ABCG2: variants seen among roughly 807,000 people sequenced by gnomAD.
The protein encoded by ABCG2 is ATP binding cassette subfamily G member 2 (JR blood group).
A neutral mutation model predicts 73.5 loss-of-function variants in ABCG2; 80 were observed. That is an observed-to-expected ratio of 1.09 (90% confidence interval 0.91 to 1.31). The LOEUF (loss-of-function observed/expected upper bound fraction) is 1.31. Among genes scored for constraint, ABCG2 ranks in the 50% most tolerant of loss-of-function variants. ABCG2 has a pLI of 0.00. For missense variants in ABCG2, 796 were observed against 786.2 expected, an observed-to-expected ratio of 1.01 and a Z score of -0.15; for synonymous variants, 269 against 282.4, an observed-to-expected ratio of 0.95 and a Z score of 0.48.
intron 1 of ABCG2, among the ~76,000 whole-genome samples, chr4:88,209,769 G>T (rs1229336240): frequency 6.6e-6 from 1 of 152,120 alleles, no homozygotes; most frequent in Non-Finnish European, 1.5e-5. Context: ...GATTAGCAGG[G>T]GTTGTGTTGG....
At chr4:88,178,599 G>A (rs1458861734) in intron 1 of ABCG2, among the ~76,000 whole-genome samples, 1 of 152,194 alleles carries the variant, frequency 6.6e-6, no homozygotes, top group Non-Finnish European at 1.5e-5. Flanking sequence ...CAGTGAGGTA[G>A]AGCACCAAAT....
intron 1 of ABCG2, among the ~76,000 whole-genome samples, chr4:88,154,566 G>T (rs1402214116): frequency 1.3e-5 from 2 of 152,180 alleles, no homozygotes; most frequent in African/African-American, 4.8e-5. Context: ...ATTAGGACTG[G>T]TGGAACTGCC....
At chr4:88,094,395 A>G (rs1721843612) in intron 15 of ABCG2, among the ~76,000 whole-genome samples, 182 bp downstream of exon 15, 1 of 151,788 alleles carries the variant, frequency 6.6e-6, no homozygotes, top group African/African-American at 2.4e-5. Context: ...GCAGCAGAAT[A>G]CTGAGGGGTT....
At chr4:88,105,470 T>C (rs1722710487) in intron 10 of ABCG2, among the ~76,000 whole-genome samples, 1 of 152,182 alleles carries the variant, frequency 6.6e-6, no homozygotes, top group African/African-American at 2.4e-5. Context: ...TGAGTGCTTA[T>C]GTTCAGAACA....
intron 5 of ABCG2, among the ~76,000 whole-genome samples, chr4:88,125,130 A>G (rs1724296913): frequency 6.6e-6 from 1 of 151,128 alleles, no homozygotes; most frequent in East Asian, 1.9e-4. Flanking sequence ...GTCTCTACTA[A>G]AAATACAAAA....
chr4:88,171,430 TGAA>T (rs1182472631), intron 1 of ABCG2, among the ~76,000 whole-genome samples: 3 of 103,128 alleles, frequency 2.9e-5, no homozygotes, highest in Admixed American at 1.8e-4. Flanking sequence ...ACATTGTAAA[TGAA>T]GAATTTACAG....
chr4:88,195,758 T>A (rs1728918770), intron 1 of ABCG2, among the ~76,000 whole-genome samples: 1 of 152,198 alleles, frequency 6.6e-6, no homozygotes, highest in South Asian at 2.1e-4. Flanking sequence ...TCTCCCCTGA[T>A]TCTTCCCTTG....
At chr4:88,190,469 A>G (rs1199505954) in intron 1 of ABCG2, among the ~76,000 whole-genome samples, 1 of 152,228 alleles carries the variant, frequency 6.6e-6, no homozygotes, top group African/African-American at 2.4e-5. Flanking sequence ...TTAGGAGGGC[A>G]TCTGGTTAAT....
Position 88,138,003 on chromosome 4 carries a change from T to G in ABCG2, c.203+1790A>C, listed in dbSNP as rs527465995. Among the ~76,000 whole-genome samples the G allele has an allele frequency of 1.8e-4, 28 of 151,936 alleles. No individual in the cohort carries two copies. The East Asian group carries it at 5.2e-3, about 28-fold the overall frequency. On this transcript the variant is annotated intron_variant, in intron 2 of 15. Transcript: ENST00000237612. Reference sequence around the variant, plus strand: ...GACCCCATCTCCACACACAGAAAATTTTTAATTAGCCAGGCATTGTGGCAT... The same window carrying G: ...GACCCCATCTCCACACACAGAAAATGTTTAATTAGCCAGGCATTGTGGCAT...
intron 1 of ABCG2, among the ~76,000 whole-genome samples, chr4:88,224,880 G>A (rs892709022): frequency 5.3e-5 from 8 of 152,116 alleles, no homozygotes; most frequent in Admixed American, 2.0e-4. Context: ...TAAGGTAAGG[G>A]TCCAATGTTA....
intron 2 of ABCG2, among the ~76,000 whole-genome samples, chr4:88,138,530 C>T (rs1181727462): frequency 2.6e-5 from 4 of 152,182 alleles, no homozygotes; most frequent in African/African-American, 7.2e-5. Context: ...AGATGACTAT[C>T]TGAATGGTGA....
chr4:88,182,227 A>C (rs1274838273), intron 1 of ABCG2, among the ~76,000 whole-genome samples: 1 of 152,216 alleles, frequency 6.6e-6, no homozygotes, highest in Non-Finnish European at 1.5e-5. Context: ...TATGTACCCA[A>C]CACTGCAGCA....
chr4:88,227,476 C>A (rs1390293806), intron 1 of ABCG2, among the ~76,000 whole-genome samples: 3 of 152,146 alleles, frequency 2.0e-5, no homozygotes, highest in Admixed American at 2.0e-4. Flanking sequence ...TAAATGTATT[C>A]TTTTAAAATA....
In ABCG2 at chr4:88,092,272, C is replaced by T; in HGVS notation, c.1930G>A (p.Ala644Thr). 11 of 1,611,478 alleles carry T rather than the reference C, an allele frequency of 6.8e-6. No homozygotes were observed. Among genetic ancestry groups the T allele is most frequent in the Non-Finnish European group, 9.3e-6 (11 of 1,178,220 alleles). Residue 644 changes from alanine to threonine, a missense_variant, in exon 16 of 16, where the codon GCC (alanine) becomes ACC (threonine). By Grantham distance (58) the Ala-to-Thr change is moderately conservative (BLOSUM62 0). Coordinates refer to ENST00000237612, the MANE Select transcript of ABCG2 (RefSeq NM_004827.3). ...TTAAGAAATAACAATTTCAGGTAGG[C>T]AATTGTGAGGAAAATAACAATCATA... ...ACMIVIFLTIAYLKLLFLKKY... is the reference protein window; with the variant it reads ...ACMIVIFLTITYLKLLFLKKY...
chr4:88,189,520 TATAAATAA>T (rs144119456), intron 1 of ABCG2, among the ~76,000 whole-genome samples: 6,848 of 147,914 alleles, frequency 0.046, 225 homozygotes, highest in South Asian at 0.074. Context: ...CATCTAAAAA[TATAAATAA>T]ATAAATAAAT....
At chr4:88,115,531 G>A (rs1441724586) in intron 7 of ABCG2, among the ~76,000 whole-genome samples, 4 of 147,802 alleles carry the variant, frequency 2.7e-5, no homozygotes, top group Admixed American at 6.9e-5. Flanking sequence ...TGATCCACCC[G>A]CCTCGGCCTC....
rs565794769 is a variant in ABCG2 at position 88,154,659 on chromosome 4, G to GAT, written c.-20+3725_-20+3726dup. Among the ~76,000 whole-genome samples the GAT allele has an allele frequency of 6.4e-3, 973 of 152,278 alleles. 5 individuals are homozygous for GAT. The highest frequency in any genetic ancestry group is 0.011 in the Non-Finnish European group (726 of 68,016). On this transcript the variant is annotated intron_variant, in intron 1 of 15. Transcript: ENST00000237612. ...GGGTGAATGCCCGGTGGATCAGAGA[G>GAT]ATAGTCATGGGGGTCAGGTGTGGTA...
At chr4:88,120,112 C>T (rs1578196820) in intron 6 of ABCG2, among the ~76,000 whole-genome samples, 1 of 152,166 alleles carries the variant, frequency 6.6e-6, no homozygotes, top group Non-Finnish European at 1.5e-5. Flanking sequence ...TATGTTTCAG[C>T]CATGGTTAAA....
chr4:88,123,814 A>T (rs1235392784), intron 5 of ABCG2, among the ~76,000 whole-genome samples: 5 of 152,150 alleles, frequency 3.3e-5, no homozygotes, highest in Admixed American at 3.3e-4. Flanking sequence ...AAATAAAGAG[A>T]ACAGCACAAA....
Sources: gnomAD v4.1 joint callset for allele counts (sites outside exome capture counted in the v4.1 genomes callset) on GRCh38, gnomAD v4.1.1 for gene constraint, MANE v1.5 for transcripts, NCBI Gene and HGNC (gene_info 2026-07-23, HGNC 2026-07-21) for gene names.